RIIAD1: variants seen among roughly 807,000 people sequenced by gnomAD.
RIIAD1 encodes the protein regulatory subunit of type II PKA R-subunit domain containing 1.
A neutral mutation model predicts 13.3 loss-of-function variants in RIIAD1; 15 were observed. That is an observed-to-expected ratio of 1.13 (90% CI 0.76 to 1.74). The LOEUF (loss-of-function observed/expected upper bound fraction) is 1.74, where lower values mean the gene tolerates loss of function less well. RIIAD1 is among the 40% of genes most tolerant of loss of function. RIIAD1 has a pLI of 0.00. For missense variants in RIIAD1, 121 were observed against 112.2 expected, an observed-to-expected ratio of 1.08 and a Z score of -0.35; for synonymous variants, 50 against 43.3, an observed-to-expected ratio of 1.16 and a Z score of -0.61.
rs910829351 is a variant in RIIAD1, at chr1:151,728,885, A to G, written c.*49A>G. 1 of 1,072,610 alleles carries G rather than the reference A, an allele frequency of 9.3e-7. No individual in the cohort carries two copies. The highest frequency in any genetic ancestry group is 2.0e-5 in the Admixed American group (1 of 50,398). The allele number at this position is 1,072,610 out of a possible 1,614,324, so 66.4% of individuals were successfully genotyped here. A position where few individuals can be genotyped will look rare whatever the true frequency, so the allele number is the denominator to read the frequency against. On this transcript the variant is annotated 3_prime_UTR_variant, in exon 4 of 5. Coordinates refer to ENST00000479191, the MANE Select transcript of RIIAD1 (RefSeq NM_001144956.3). ...TGTTGGGAGAGACCAGACGGAATCC[A>G]GCCTCGGGGTGGGTGTTAACCTCAC... is the stretch of plus-strand genomic sequence containing the variant.
chr1:151,720,290 G>C (rs1344165328), upstream of RIIAD1, among the ~76,000 whole-genome samples: 173 of 151,666 alleles, frequency 1.1e-3, 1 homozygote, highest in Non-Finnish European at 3.7e-4. Context: ...AGTATGGGGA[G>C]AAAAGACAGA....
chr1:151,721,996 G>T (rs1013403939), intron 1 of RIIAD1, 90 bp from the exon 2 acceptor site: 5 of 881,364 alleles, frequency 5.7e-6, no homozygotes, highest in Non-Finnish European at 9.2e-6. Context: ...GGTTAAATGC[G>T]CACGCCGTTT....
intron 2 of RIIAD1, among the ~76,000 whole-genome samples, chr1:151,722,988 A>G (rs1673765057): frequency 1.3e-5 from 2 of 152,184 alleles, no homozygotes; most frequent in South Asian, 4.1e-4. Context: ...AAGTTGCTGA[A>G]CCAGGATTCA....
chr1:151,725,616 C>T (rs1234561137), intron 2 of RIIAD1, among the ~76,000 whole-genome samples: 1 of 152,166 alleles, frequency 6.6e-6, no homozygotes, highest in East Asian at 1.9e-4. Flanking sequence ...AGTCACTCCC[C>T]TTAAAACAGT....
chr1:151,712,428 G>A (rs936323664), intron 2 of RIIAD1, among the ~76,000 whole-genome samples: 28 of 152,260 alleles, frequency 1.8e-4, no homozygotes, highest in Middle Eastern at 3.4e-3. Context: ...ACTTGTTCCC[G>A]GCGTCCCAGA....
At chr1:151,716,931 C>G, upstream of RIIAD1, 1 of 363,802 alleles carries the variant, frequency 2.7e-6, no homozygotes. Context: ...GAGCCACGCC[C>G]TCTTTCTATC....
intron 2 of RIIAD1, among the ~76,000 whole-genome samples, chr1:151,727,211 G>T (rs1386306931): frequency 2.0e-5 from 3 of 152,182 alleles, no homozygotes; most frequent in Non-Finnish European, 4.4e-5. Context: ...CAGGGAGGTT[G>T]ATCGCGCCAC....
intron 1 of RIIAD1, among the ~76,000 whole-genome samples, chr1:151,711,678 C>A (rs558858001): frequency 6.6e-6 from 1 of 152,328 alleles, no homozygotes; most frequent in South Asian, 2.1e-4. Flanking sequence ...CTCCTGTGCT[C>A]TAGCCAAAGC....
chr1:151,716,034 G>T, intron 4 of RIIAD1: 1 of 1,606,122 alleles, frequency 6.2e-7, no homozygotes, highest in Non-Finnish European at 8.5e-7. Flanking sequence ...GGCGGCCCAG[G>T]AGGAGGGGCC....
At chr1:151,716,866 C>T (rs542958270), upstream of RIIAD1, 1 of 444,862 alleles carries the variant, frequency 2.2e-6, no homozygotes, top group East Asian at 7.3e-5. Context: ...TGATGTCAGT[C>T]TCAGGGGTCG....
chr1:151,722,027 CA>C, intron 1 of RIIAD1, 58 bp from the exon 2 acceptor site: 1 of 1,252,960 alleles, frequency 8.0e-7, no homozygotes, highest in Non-Finnish European at 1.1e-6. Flanking sequence ...TTCACATCTC[CA>C]GGGCTGAACC....
At chr1:151,725,056 C>G (rs1263264324) in intron 2 of RIIAD1, among the ~76,000 whole-genome samples, 1 of 151,246 alleles carries the variant, frequency 6.6e-6, no homozygotes, top group East Asian at 1.9e-4. Flanking sequence ...GATCCACCTG[C>G]CTGGGCCTCC....
upstream of RIIAD1, among the ~76,000 whole-genome samples, chr1:151,720,405 ACTCT>A (rs996656840): frequency 6.6e-6 from 1 of 151,880 alleles, no homozygotes; most frequent in African/African-American, 2.4e-5. Flanking sequence ...CACTCTATTA[ACTCT>A]CTCTCTTAAA....
chr1:151,722,921 T>C (rs1673764256), intron 2 of RIIAD1, among the ~76,000 whole-genome samples: 1 of 152,252 alleles, frequency 6.6e-6, no homozygotes, highest in African/African-American at 2.4e-5. Flanking sequence ...CAGGTGATTG[T>C]CATTTTTATT....
At chr1:151,728,487 G>T (rs1673871243) in intron 3 of RIIAD1, 3 of 285,320 alleles carry the variant, frequency 1.1e-5, no homozygotes, top group East Asian at 1.1e-4. Flanking sequence ...TAGGTGGGGG[G>T]TGGGGGGTGG....
intron 2 of RIIAD1, among the ~76,000 whole-genome samples, chr1:151,713,262 G>A (rs930828660): frequency 3.9e-5 from 6 of 152,178 alleles, no homozygotes; most frequent in Non-Finnish European, 8.8e-5. Flanking sequence ...ACTTCCTCAA[G>A]AAGGGCAGGT....
upstream of RIIAD1, chr1:151,719,545 G>A: frequency 8.8e-6 from 6 of 684,870 alleles, no homozygotes; most frequent in East Asian, 1.6e-4. Flanking sequence ...GGTATGTGTG[G>A]GCAGAGTGGC....
At chr1:151,728,573 A>G in intron 3 of RIIAD1, 193 bp from the exon 4 acceptor site, 1 of 544,982 alleles carries the variant, frequency 1.8e-6, no homozygotes, top group East Asian at 3.2e-5. Context: ...TGGAGCTGGC[A>G]GAATCAGAAC....
In RIIAD1 at chr1:151,714,389, C is replaced by T. The variant is rs555158268; in HGVS notation, c.-89-31C>T. On this transcript the variant is annotated intron_variant, in intron 3 of 8. Coordinates refer to the RIIAD1 transcript ENST00000326413. ...CTGCTCCTGGTAAAAGTCATGTTTA[C>T]GCCACTAATCGCTGCTTTCCTTCTC... is the stretch of plus-strand genomic sequence containing the variant. 40 of 635,442 alleles carry T rather than the reference C, an allele frequency of 6.3e-5. 1 individual carries two copies. Among genetic ancestry groups the T allele is most frequent in the South Asian group, 3.4e-4 (19 of 55,560 alleles). 39.4% of individuals were successfully genotyped at this position (635,442 alleles called of 1,614,324 possible).
Sources: allele counts gnomAD v4.1 joint callset (sites outside exome capture counted in the v4.1 genomes callset), GRCh38; gene constraint gnomAD v4.1.1; transcripts MANE v1.5; gene names NCBI Gene and HGNC (gene_info 2026-07-23, HGNC 2026-07-21).